The following PCCA variants were observed in gnomAD, a reference collection of about 807,000 sequenced individuals.
PCCA encodes the protein propionyl-CoA carboxylase subunit alpha.
A neutral mutation model predicts 101.3 loss-of-function variants in PCCA; 74 were observed. The observed-to-expected ratio is 0.73, with a 90% confidence interval of 0.61 to 0.89. The LOEUF (loss-of-function observed/expected upper bound fraction) is 0.89, where lower values mean the gene tolerates loss of function less well. PCCA is among the 40% of genes least tolerant of loss of function. The pLI, the probability that PCCA is intolerant of heterozygous loss-of-function variation, is 0.00. For missense variants in PCCA, 891 were observed against 907.0 expected, an observed-to-expected ratio of 0.98 and a Z score of 0.23; for synonymous variants, 294 against 313.6, an observed-to-expected ratio of 0.94 and a Z score of 0.66.
At chr13:100,419,946 C>A (rs151017195) in intron 19 of PCCA, among the ~76,000 whole-genome samples, 1 of 152,340 alleles carries the variant, frequency 6.6e-6, no homozygotes, top group East Asian at 1.9e-4. Context: ...ATTAGCATGG[C>A]TGCTAAACAC....
intron 4 of PCCA, among the ~76,000 whole-genome samples, chr13:100,130,762 C>T (rs2050424875): frequency 6.6e-6 from 1 of 152,110 alleles, no homozygotes; most frequent in Non-Finnish European, 1.5e-5. Flanking sequence ...AGCAAAGTGT[C>T]TTCCGTGGAC....
At chr13:100,157,820 C>A (rs1160848042) in intron 6 of PCCA, among the ~76,000 whole-genome samples, 1 of 152,110 alleles carries the variant, frequency 6.6e-6, no homozygotes, top group Admixed American at 6.5e-5. Flanking sequence ...TTTATAACTT[C>A]ATTCAAGATG....
chr13:100,285,411 G>A (rs1018415669), intron 12 of PCCA, among the ~76,000 whole-genome samples: 10 of 152,148 alleles, frequency 6.6e-5, no homozygotes, highest in Non-Finnish European at 1.2e-4. Flanking sequence ...ACTCAGACTC[G>A]TGGGACAACC....
At chr13:100,191,975 T>A (rs938801777) in intron 6 of PCCA, among the ~76,000 whole-genome samples, 1 of 152,224 alleles carries the variant, frequency 6.6e-6, no homozygotes, top group African/African-American at 2.4e-5. Flanking sequence ...TTGGAATTAT[T>A]GAGAAAGACA....
intron 22 of PCCA, chr13:100,527,384 G>T: frequency 1.9e-6 from 1 of 533,024 alleles, no homozygotes. Flanking sequence ...ACCTCTGTTA[G>T]TGGCAGAGCC....
At chr13:100,472,523 G>A (rs893453955) in intron 21 of PCCA, among the ~76,000 whole-genome samples, 2 of 152,194 alleles carry the variant, frequency 1.3e-5, no homozygotes, top group African/African-American at 2.4e-5. Flanking sequence ...CCTAAGAGAA[G>A]GGGGCACACC....
chr13:100,451,854 C>T (rs111205794), intron 21 of PCCA, among the ~76,000 whole-genome samples: 7 of 105,484 alleles, frequency 6.6e-5, no homozygotes, highest in African/African-American at 1.1e-4. Flanking sequence ...CCTCTCTCTC[C>T]TCTTCCTCTC....
At chr13:100,468,056 C>T (rs1242774569) in intron 21 of PCCA, among the ~76,000 whole-genome samples, 2 of 152,236 alleles carry the variant, frequency 1.3e-5, no homozygotes, top group Non-Finnish European at 2.9e-5. Context: ...CCACATTCAT[C>T]TCCTTGTATA....
intron 14 of PCCA, 47 bp from the exon 15 acceptor site, chr13:100,307,145 A>G: frequency 1.5e-6 from 2 of 1,367,488 alleles, no homozygotes; most frequent in Non-Finnish European, 2.1e-6. Context: ...ACAAAAAAAT[A>G]TCTACACAAT....
At chr13:100,421,965 G>A (rs1485010753) in intron 19 of PCCA, among the ~76,000 whole-genome samples, 2 of 152,090 alleles carry the variant, frequency 1.3e-5, no homozygotes, top group African/African-American at 2.4e-5. Context: ...GATTACAGGC[G>A]TGAGCCACTG....
At chr13:100,208,908 A>T (rs1473449031) in intron 6 of PCCA, among the ~76,000 whole-genome samples, 3 of 152,178 alleles carry the variant, frequency 2.0e-5, no homozygotes, top group Non-Finnish European at 4.4e-5. Context: ...TTTAGCTCAG[A>T]GCCTGGCACA....
At chr13:100,425,785 C>A in intron 20 of PCCA, 54 bp downstream of exon 20, 2 of 1,135,106 alleles carry the variant, frequency 1.8e-6, no homozygotes, top group South Asian at 1.3e-5. Flanking sequence ...GAATCCTTGT[C>A]AGCACCTGTG....
At chr13:100,199,828 C>T (rs1172166561) in intron 6 of PCCA, among the ~76,000 whole-genome samples, 1 of 152,118 alleles carries the variant, frequency 6.6e-6, no homozygotes, top group Non-Finnish European at 1.5e-5. Context: ...AAGATAAATG[C>T]TTAATTCTTT....
chr13:100,403,919 A>G (rs891585300), intron 19 of PCCA, among the ~76,000 whole-genome samples: 1 of 152,090 alleles, frequency 6.6e-6, no homozygotes, highest in Non-Finnish European at 1.5e-5. Flanking sequence ...CCTCCCTCCC[A>G]CCTGGCTGTC....
chr13:100,145,505 G>T (rs1373774215), intron 4 of PCCA, among the ~76,000 whole-genome samples: 1 of 152,200 alleles, frequency 6.6e-6, no homozygotes, highest in Non-Finnish European at 1.5e-5. Flanking sequence ...GATTACCGGA[G>T]AGAGACATTG....
chr13:100,145,448 C>T (rs1370878259), intron 4 of PCCA, among the ~76,000 whole-genome samples: 2 of 152,146 alleles, frequency 1.3e-5, no homozygotes, highest in Non-Finnish European at 2.9e-5. Flanking sequence ...AAGTTGGGAT[C>T]CCTTGGCATA....
At chr13:100,495,031 C>T (rs1297313203) in intron 21 of PCCA, among the ~76,000 whole-genome samples, 1 of 152,072 alleles carries the variant, frequency 6.6e-6, no homozygotes, top group Non-Finnish European at 1.5e-5. Flanking sequence ...AGGTGCGATT[C>T]TCAACCGGGG....
chr13:100,423,204 G>A (rs2078940335), intron 19 of PCCA, among the ~76,000 whole-genome samples: 2 of 152,010 alleles, frequency 1.3e-5, no homozygotes, highest in Admixed American at 1.3e-4. Flanking sequence ...AGTCTATCAC[G>A]AAATGCCACC....
intron 18 of PCCA, among the ~76,000 whole-genome samples, chr13:100,347,797 T>C (rs1425570959): frequency 1.3e-5 from 2 of 152,226 alleles, no homozygotes; most frequent in Non-Finnish European, 2.9e-5. Flanking sequence ...TTATTTTCTA[T>C]ACAACAAGCA....
Sources: allele counts gnomAD v4.1 joint callset (sites outside exome capture counted in the v4.1 genomes callset), GRCh38; gene constraint gnomAD v4.1.1; transcripts MANE v1.5; gene names NCBI Gene and HGNC (gene_info 2026-07-23, HGNC 2026-07-21).